The following TMTC1 variants were observed in gnomAD, a reference collection of about 807,000 sequenced individuals.
The protein encoded by TMTC1 is protein O-mannosyl-transferase TMTC1.
Under a neutral mutation model 104.8 loss-of-function variants are expected in TMTC1, and 73 were observed. The ratio of observed to expected loss-of-function variants is 0.70; its 90% CI spans 0.58 to 0.85. TMTC1 has a LOEUF of 0.85. Among genes scored for constraint, TMTC1 ranks in the 40% least tolerant of loss-of-function variants. The pLI, the probability that TMTC1 is intolerant of heterozygous loss-of-function variation, is 0.00. For synonymous variants in TMTC1, 434 were observed against 428.7 expected (o/e 1.01, Z -0.15); for missense variants, 1,035 against 1,096.1 (o/e 0.94, Z 0.79).
At chr12:29,521,145 T>A (rs1173611152) in intron 11 of TMTC1, 1 of 171,270 alleles carries the variant, frequency 5.8e-6, no homozygotes, top group Non-Finnish European at 1.2e-5. Context: ...GGCAGGGCAG[T>A]CTGGGGAATT....
intron 8 of TMTC1, among the ~76,000 whole-genome samples, chr12:29,581,963 T>C (rs1363344211): frequency 6.6e-6 from 1 of 151,964 alleles, no homozygotes; most frequent in Non-Finnish European, 1.5e-5. Flanking sequence ...ATTTTGCAGA[T>C]CTGTGTGGAA....
chr12:29,729,101 C>T (rs552821659), intron 5 of TMTC1, among the ~76,000 whole-genome samples: 1 of 151,764 alleles, frequency 6.6e-6, no homozygotes, highest in East Asian at 1.9e-4. Flanking sequence ...AAATCTCGAC[C>T]CCTTTACTTC....
At chr12:29,592,466 C>T (rs1946306078) in intron 7 of TMTC1, among the ~76,000 whole-genome samples, 1 of 152,124 alleles carries the variant, frequency 6.6e-6, no homozygotes, top group African/African-American at 2.4e-5. Flanking sequence ...TATATTTCTC[C>T]ATGAGATAGA....
Position 29,542,320 on chromosome 12 carries a change from C to T in TMTC1, c.1677-6003G>A, listed in dbSNP as rs971196687. Among the ~76,000 whole-genome samples, 3 of 152,188 alleles carry T rather than the reference C, an allele frequency of 2.0e-5. No individual in the cohort carries two copies. The East Asian group carries it at 5.8e-4, about 29-fold the overall frequency. On this transcript the variant is annotated intron_variant, in intron 10 of 17. Transcript: ENST00000539277. ...TCAGAGCTTCTGGTAGAGGGTTCAA[C>T]CGGCACTGATGGAACTCTTGGGGAT... is the stretch of plus-strand genomic sequence containing the variant.
intron 5 of TMTC1, among the ~76,000 whole-genome samples, chr12:29,643,058 A>C (rs1328343506): frequency 6.6e-6 from 1 of 152,116 alleles, no homozygotes; most frequent in East Asian, 1.9e-4. Flanking sequence ...AACATCACTA[A>C]TGATCGGGGA....
At chr12:29,531,730 TCA>T (rs1944509667) in intron 11 of TMTC1, among the ~76,000 whole-genome samples, 1 of 152,230 alleles carries the variant, frequency 6.6e-6, no homozygotes, top group South Asian at 2.1e-4. Context: ...TCTTCTGTTC[TCA>T]GTTTTCTTGA....
At chr12:29,603,433 C>T (rs1409691216) in intron 7 of TMTC1, among the ~76,000 whole-genome samples, 1 of 151,720 alleles carries the variant, frequency 6.6e-6, no homozygotes, top group East Asian at 2.0e-4. Context: ...TTAATTTTAG[C>T]GAGTTTACTA....
At chr12:29,620,386 T>C (rs1212337318) in intron 6 of TMTC1, among the ~76,000 whole-genome samples, 1 of 152,100 alleles carries the variant, frequency 6.6e-6, no homozygotes, top group Non-Finnish European at 1.5e-5. Context: ...CAACTCAACA[T>C]GCATGCAGGA....
chr12:29,586,782 A>C lies in TMTC1; in HGVS notation c.1251-3208T>G, dbSNP rs142041637. ...AACCAGCCTTGCATCCCAGGAATGA[A>C]GCCCACTTGATCATGGTGGATAAGC... On this transcript the variant is annotated intron_variant, in intron 7 of 17. Coordinates refer to ENST00000539277, the MANE Select transcript of TMTC1 (RefSeq NM_001193451.2). Among the ~76,000 whole-genome samples, 1,402 of 148,804 alleles carry C rather than the reference A, an allele frequency of 9.4e-3. 88 individuals are homozygous for C. Among genetic ancestry groups the C allele is most frequent in the African/African-American group, 0.034 (1,332 of 39,134 alleles).
At chr12:29,637,086 ACACACAC>A (rs763264911) in intron 5 of TMTC1, among the ~76,000 whole-genome samples, 1 of 132,686 alleles carries the variant, frequency 7.5e-6, no homozygotes, top group Admixed American at 7.2e-5. Context: ...AAAATGAGAA[ACACACAC>A]ACACACACAC....
At chr12:29,651,310 A>C (rs1239853217) in intron 5 of TMTC1, among the ~76,000 whole-genome samples, 1 of 152,168 alleles carries the variant, frequency 6.6e-6, no homozygotes, top group Non-Finnish European at 1.5e-5. Context: ...TATAGTTGGG[A>C]CTAGTTTCCA....
intron 11 of TMTC1, among the ~76,000 whole-genome samples, chr12:29,526,967 C>T (rs1346794682): frequency 6.6e-6 from 1 of 152,098 alleles, no homozygotes; most frequent in African/African-American, 2.4e-5. Flanking sequence ...GACAATGCTT[C>T]TCATAGTTTA....
intron 11 of TMTC1, among the ~76,000 whole-genome samples, chr12:29,531,831 GTTTCT>G (rs1480257536): frequency 1.3e-5 from 2 of 152,028 alleles, no homozygotes. Context: ...ATCCTTCTGG[GTTTCT>G]TTTATCTCTT....
Position 29,612,113 on chromosome 12 carries a change from G to A in TMTC1, c.1129-7814C>T, listed in dbSNP as rs1324699159. Among the ~76,000 whole-genome samples the A allele has an allele frequency of 2.6e-5, 4 of 152,198 alleles. No homozygotes were observed. In the South Asian group the frequency reaches 6.2e-4, roughly 24 times the overall value. On this transcript the variant is annotated intron_variant, in intron 6 of 17. Coordinates refer to ENST00000539277, the MANE Select transcript of TMTC1 (RefSeq NM_001193451.2). ...CACAGTCCACGTGGCTTTGGTATTCGAAGTTAATGCCAAGTGTGGGGAGGA... is the reference window on the plus strand; with the variant it reads ...CACAGTCCACGTGGCTTTGGTATTCAAAGTTAATGCCAAGTGTGGGGAGGA...
At chr12:29,661,419 ATTTT>A (rs773889232) in intron 5 of TMTC1, 529 of 370,922 alleles carry the variant, frequency 1.4e-3, no homozygotes, top group Non-Finnish European at 1.6e-3. Flanking sequence ...AGGTTAAGTA[ATTTT>A]TTTTTTTTTT....
At chr12:29,520,936 C>T in intron 11 of TMTC1, 2 of 488,672 alleles carry the variant, frequency 4.1e-6, no homozygotes. Flanking sequence ...TATTTAGTTC[C>T]CTTAGGGCGA....
chr12:29,777,251 T>C (rs182723974), intron 1 of TMTC1, among the ~76,000 whole-genome samples: 2,064 of 152,112 alleles, frequency 0.014, 47 homozygotes, highest in African/African-American at 0.047. Context: ...CACACCACCA[T>C]GCCCAGCTAA....
At chr12:29,689,402 C>G (rs1941196995) in intron 5 of TMTC1, among the ~76,000 whole-genome samples, 1 of 152,130 alleles carries the variant, frequency 6.6e-6, no homozygotes, top group Admixed American at 6.5e-5. Flanking sequence ...GCAACTCCAC[C>G]TCCCAGGTTC....
At chr12:29,558,366 A>C (rs79701547) in intron 9 of TMTC1, among the ~76,000 whole-genome samples, 2,663 of 152,312 alleles carry the variant, frequency 0.017, 79 homozygotes, top group African/African-American at 0.061. Flanking sequence ...TAAGAAGATC[A>C]GTTTAATTCT....
Sources: allele counts gnomAD v4.1 joint callset (sites outside exome capture counted in the v4.1 genomes callset), GRCh38; gene constraint gnomAD v4.1.1; transcripts MANE v1.5; gene names NCBI Gene and HGNC (gene_info 2026-07-23, HGNC 2026-07-21).